Variants in SPIRE2 observed in about 807,000 individuals in gnomAD.
The protein encoded by SPIRE2 is protein spire homolog 2.
A neutral mutation model predicts 80.7 loss-of-function variants in SPIRE2; 76 were observed. The ratio of observed to expected loss-of-function variants is 0.94; its 90% CI spans 0.78 to 1.14. The LOEUF is 1.14. SPIRE2 is among the 50% of genes most tolerant of loss of function. The probability of loss-of-function intolerance (pLI) is 0.00; values close to 1 mark genes in which losing one functional copy is unlikely to be tolerated. For missense variants in SPIRE2, 1,196 were observed against 1,015.3 expected, an observed-to-expected ratio of 1.18 and a Z score of -2.42; for synonymous variants, 535 against 432.6, an observed-to-expected ratio of 1.24 and a Z score of -2.94.
At chr16:89,851,384 G>A (rs1343927228) in intron 3 of SPIRE2, among the ~76,000 whole-genome samples, 1 of 152,138 alleles carries the variant, frequency 6.6e-6, no homozygotes, top group African/African-American at 2.4e-5. Context: ...GGAGCTTTGG[G>A]TGGGGACGGG....
chr16:89,836,274 A>G lies in SPIRE2; in HGVS notation c.244+7480A>G, dbSNP rs189553486. 2.1e-3 allele frequency: 950 copies of G among 455,978 alleles called. 11 individuals are homozygous for G. In the East Asian group the frequency reaches 0.023, roughly 11 times the overall value. 28.2% of individuals were successfully genotyped at this position (455,978 alleles called of 1,614,324 possible). ...TCAGGGGTCAGCACCTGGACCCTCA[A>G]CTGCCACTGTAAGCTCCTCTCGGTA... On this transcript the variant is annotated intron_variant, in intron 1 of 14. Coordinates refer to ENST00000378247, the MANE Select transcript of SPIRE2 (RefSeq NM_032451.2).
chr16:89,853,120 T>C (rs866786444), intron 3 of SPIRE2, among the ~76,000 whole-genome samples: 1 of 152,218 alleles, frequency 6.6e-6, no homozygotes. Flanking sequence ...TGCTGTTGTG[T>C]CTCTGATCAG....
At position 89,853,150 on chromosome 16, in the gene SPIRE2, A is replaced by T. The variant is rs138525383; in HGVS notation, c.646-1136A>T. ...GATCAGGCTGTTTTCTGCTGCTCAG[A>T]TCAGTTTCTTACCCAGTGAAAGCTC... On this transcript the variant is annotated intron_variant, in intron 3 of 14. Transcript: ENST00000378247. Among the ~76,000 whole-genome samples the T allele has an allele frequency of 2.6e-5, 4 of 152,092 alleles. No individual in the cohort carries two copies. In the South Asian group the frequency reaches 6.2e-4, roughly 24 times the overall value.
intron 1 of SPIRE2, among the ~76,000 whole-genome samples, chr16:89,836,842 A>G (rs1368771052): frequency 6.6e-6 from 1 of 151,654 alleles, no homozygotes; most frequent in Non-Finnish European, 1.5e-5. Context: ...AGAAAAAAAG[A>G]AAGTTAGCTG....
intron 12 of SPIRE2, among the ~76,000 whole-genome samples, chr16:89,866,161 A>T (rs1236649717): frequency 6.6e-6 from 1 of 151,466 alleles, no homozygotes. Context: ...AAAAAAAATC[A>T]CCTAATTTTA....
Position 89,863,254 on chromosome 16 carries a change from C to T in SPIRE2, c.1576-222C>T. 5.1e-6 allele frequency: 3 copies of T among 583,002 alleles called. No individual in the cohort carries two copies. The South Asian group carries it at 6.1e-5, about 12-fold the overall frequency. 36.1% of individuals were successfully genotyped at this position (583,002 alleles called of 1,614,324 possible). A position where few individuals can be genotyped will look rare whatever the true frequency, so the allele number is the denominator to read the frequency against. ...GCGTGGCCAGTGAAGGCTGGGCTGG[C>T]CGGCAGGGTCCGCTGGTCATGGGAG... On this transcript the variant is annotated intron_variant, in intron 10 of 14. Coordinates refer to ENST00000378247, the MANE Select transcript of SPIRE2 (RefSeq NM_032451.2). The surrounding 1 kb of genome is among the most constrained non-coding windows in gnomAD (Gnocchi z 4.3).
chr16:89,861,129 G>C (rs377406971), intron 10 of SPIRE2, among the ~76,000 whole-genome samples: 1 of 152,140 alleles, frequency 6.6e-6, no homozygotes, highest in Non-Finnish European at 1.5e-5. Flanking sequence ...GGGTTCACTG[G>C]GTCGAGACCT....
chr16:89,858,454 G>A lies in SPIRE2; in HGVS notation c.1219G>A (p.Val407Met), dbSNP rs1008885464. The A allele has an allele frequency of 1.6e-5, 26 of 1,610,598 alleles. No individual in the cohort carries two copies. Among genetic ancestry groups the A allele is most frequent in the South Asian group, 2.2e-5 (2 of 90,378 alleles). Residue 407 changes from valine to methionine, a missense_variant, in exon 8 of 15, where the codon GTG (valine) becomes ATG (methionine). Physicochemically the swap from Val to Met is conservative, Grantham distance 21. Coordinates refer to ENST00000378247, the MANE Select transcript of SPIRE2 (RefSeq NM_032451.2). ...CAGCGCCCAGCGCCCGCGGCCCCGC[G>A]TGCTGCTCAAGGCGCCTACCTTGGC... Reference protein sequence around the residue: ...GGSAQRPRPRVLLKAPTLAEM... With the variant: ...GGSAQRPRPRMLLKAPTLAEM...
intron 5 of SPIRE2, 38 bp from the exon 6 acceptor site, chr16:89,855,562 G>A (rs2143814114): frequency 6.3e-7 from 1 of 1,585,544 alleles, no homozygotes; most frequent in Non-Finnish European, 8.6e-7. Flanking sequence ...CTAGTGGATG[G>A]TCCCTGCAGG....
At chr16:89,840,438 A>G (rs1183499732) in intron 1 of SPIRE2, among the ~76,000 whole-genome samples, 3 of 149,784 alleles carry the variant, frequency 2.0e-5, no homozygotes, top group Non-Finnish European at 4.4e-5. Context: ...TTTAGTAGAG[A>G]CGGGGTTTCA....
intron 1 of SPIRE2, among the ~76,000 whole-genome samples, chr16:89,832,136 G>C (rs2041391069): frequency 6.6e-6 from 1 of 152,260 alleles, no homozygotes; most frequent in African/African-American, 2.4e-5. Context: ...GAGGGGCTCT[G>C]GGCCCAGGAA....
In SPIRE2 at chr16:89,845,258, ACAG is replaced by A. The variant is rs953727660; in HGVS notation, c.245-60_245-58del. 35 of 1,434,090 alleles carry A rather than the reference ACAG, an allele frequency of 2.4e-5. 1 individual carries two copies. In the Middle Eastern group the frequency reaches 5.2e-4, roughly 21 times the overall value. 88.8% of individuals were successfully genotyped at this position (1,434,090 alleles called of 1,614,324 possible). A position where few individuals can be genotyped will look rare whatever the true frequency, so the allele number is the denominator to read the frequency against. On this transcript the variant is annotated intron_variant, in intron 1 of 14. Transcript: ENST00000378247. ...GTGTCCCCGAGGGGGAGGTGGGGGG[ACAG>A]CAGTGTTTATTGGGGTCCCGGGGAT...
At chr16:89,855,741 G>A in intron 6 of SPIRE2, 55 bp downstream of exon 6, 2 of 1,557,680 alleles carry the variant, frequency 1.3e-6, no homozygotes, top group Non-Finnish European at 8.8e-7. Flanking sequence ...GTGCTGTCCT[G>A]TAGCCAGCCT....
chr16:89,840,272 C>A (rs983619047), intron 1 of SPIRE2, among the ~76,000 whole-genome samples: 13 of 134,176 alleles, frequency 9.7e-5, no homozygotes, highest in South Asian at 4.8e-4. Context: ...TTTTTTGAGA[C>A]GGAGTCTCGC....
intron 5 of SPIRE2, 88 bp from the exon 6 acceptor site, chr16:89,855,512 C>A: frequency 8.4e-7 from 1 of 1,184,474 alleles, no homozygotes; most frequent in South Asian, 1.3e-5. Flanking sequence ...GAAGACCAGG[C>A]TGTCCTTGGG....
Position 89,865,586 on chromosome 16 carries a change from A to C in SPIRE2, c.1778+1725A>C, listed in dbSNP as rs2041782127. Among the ~76,000 whole-genome samples the C allele has an allele frequency of 2.0e-5, 3 of 152,326 alleles. No individual in the cohort carries two copies. In the South Asian group the frequency reaches 6.2e-4, roughly 32 times the overall value. On this transcript the variant is annotated intron_variant, in intron 12 of 14. Coordinates refer to ENST00000378247, the MANE Select transcript of SPIRE2 (RefSeq NM_032451.2). Reference sequence around the variant, plus strand: ...AAAAACAAAACAAATAGCAAATGACAGCCTTAAACACAACTGTATCTCGCA... The same window carrying C: ...AAAAACAAAACAAATAGCAAATGACCGCCTTAAACACAACTGTATCTCGCA...
chr16:89,869,992 AG>A, intron 14 of SPIRE2, 57 bp from the exon 15 acceptor site: 7 of 1,463,362 alleles, frequency 4.8e-6, no homozygotes, highest in Non-Finnish European at 4.7e-6. Context: ...ACAAGCAGGG[AG>A]GGGGGTGTGG....
Position 89,850,562 on chromosome 16 carries a change from C to G in SPIRE2, c.547C>G (p.Arg183Gly), listed in dbSNP as rs1356565475. The change falls in exon 3 of 15, where the codon CGG (arginine) becomes GGG (glycine). Residue 183 changes from arginine to glycine, a missense_variant. By Grantham distance (125) the Arg-to-Gly change is moderately radical. Transcript: ENST00000378247. ...RLCAARLTDP[R>G]GAQAHYQAVC... ...GTGCGCGGCGCGGCTGACCGACCCC[C>G]GGGGCGCACAGGCGCATTACCAGGC... 3.3e-6 allele frequency: 5 copies of G among 1,514,068 alleles called. No homozygotes were observed. The South Asian group carries it at 3.7e-5, about 11-fold the overall frequency. The allele number at this position is 1,514,068 out of a possible 1,614,324, so 93.8% of individuals were successfully genotyped here.
intron 3 of SPIRE2, 24 bp downstream of exon 3, chr16:89,850,684 G>C (rs756709612): frequency 1.4e-6 from 2 of 1,431,840 alleles, no homozygotes; most frequent in Non-Finnish European, 1.8e-6. Flanking sequence ...GGGGGCGACC[G>C]TGGAGGGTCC....
Sources: allele counts gnomAD v4.1 joint callset (sites outside exome capture counted in the v4.1 genomes callset), GRCh38; gene constraint gnomAD v4.1.1; non-coding constraint Gnocchi (gnomAD v3.1); transcripts MANE v1.5; gene names NCBI Gene and HGNC (gene_info 2026-07-23, HGNC 2026-07-21).